Variants in SLIT3 observed in about 807,000 individuals in gnomAD.
The protein encoded by SLIT3 is slit homolog 3 protein.
SLIT3 carries 68 observed loss-of-function variants against 184.0 expected under a neutral mutation model. The observed-to-expected ratio is 0.37, with a 90% CI of 0.30 to 0.45. The LOEUF (loss-of-function observed/expected upper bound fraction) is 0.45. SLIT3 is among the 20% of genes least tolerant of loss of function. The pLI is 1.00. For synonymous variants in SLIT3, 831 were observed against 828.6 expected (o/e 1.00, Z -0.05); for missense variants, 1,707 against 2,026.0 (o/e 0.84, Z 3.02).
intron 16 of SLIT3, among the ~76,000 whole-genome samples, chr5:168,755,448 T>TCTTTTTCTTTCTTTCTTTCTTTC (rs1419173588): frequency 9.7e-6 from 1 of 102,566 alleles, no homozygotes; most frequent in Non-Finnish European, 2.2e-5. Context: ...TTTCTTTCTT[T>TCTTTTTCTTTCTTTCTTTCTTTC]TTGAGACAGA....
At chr5:169,099,591 T>G (rs921801227) in intron 4 of SLIT3, among the ~76,000 whole-genome samples, 2 of 152,234 alleles carry the variant, frequency 1.3e-5, no homozygotes, top group African/African-American at 4.8e-5. Flanking sequence ...CTTACAGATA[T>G]GACAATTCAG....
At chr5:168,968,248 C>T (rs545388064) in intron 4 of SLIT3, among the ~76,000 whole-genome samples, 2 of 152,276 alleles carry the variant, frequency 1.3e-5, no homozygotes, top group African/African-American at 4.8e-5. Context: ...CATGCCCTTG[C>T]TTAATCATTA....
intron 4 of SLIT3, among the ~76,000 whole-genome samples, chr5:168,936,912 CT>C (rs1762175862): frequency 6.6e-6 from 1 of 152,160 alleles, no homozygotes; most frequent in Non-Finnish European, 1.5e-5. Flanking sequence ...GGAGCTTCTA[CT>C]TTGGGGGATG....
chr5:169,089,891 C>T (rs962088683), intron 4 of SLIT3, among the ~76,000 whole-genome samples: 1 of 152,194 alleles, frequency 6.6e-6, no homozygotes, highest in African/African-American at 2.4e-5. Flanking sequence ...ACTCATGGCA[C>T]GATGATCCTT....
chr5:169,123,631 T>G (rs563626803), intron 4 of SLIT3, among the ~76,000 whole-genome samples: 133 of 152,264 alleles, frequency 8.7e-4, no homozygotes, highest in African/African-American at 3.0e-3. Context: ...GAGCAGAGAT[T>G]TCAGTGGAAA....
At chr5:169,065,626 T>C (rs1282265878) in intron 4 of SLIT3, among the ~76,000 whole-genome samples, 1 of 152,226 alleles carries the variant, frequency 6.6e-6, no homozygotes, top group Admixed American at 6.5e-5. Flanking sequence ...GTGAAGGCCC[T>C]GTCACCCTCC....
At chr5:168,755,390 T>TTTATTTATTTCTTTCTTTCTTTCTTTC in intron 16 of SLIT3, among the ~76,000 whole-genome samples, 1 of 3,378 alleles carries the variant, frequency 3.0e-4, no homozygotes, top group African/African-American at 3.4e-3. Flanking sequence ...AGTGCCGCCA[T>TTTATTTATTTCTTTCTTTCTTTCTTTC]TTCTTTCTTT....
chr5:169,185,272 G>A (rs567637082), intron 4 of SLIT3, among the ~76,000 whole-genome samples: 1 of 152,258 alleles, frequency 6.6e-6, no homozygotes, highest in East Asian at 1.9e-4. Context: ...TCAGGAAATC[G>A]GGACTCAGTT....
chr5:168,884,700 G>A (rs1363838940), intron 4 of SLIT3, among the ~76,000 whole-genome samples: 1 of 151,056 alleles, frequency 6.6e-6, no homozygotes, highest in East Asian at 1.9e-4. Context: ...CATTTTTAAT[G>A]GTTGTATATC....
chr5:169,243,837 G>A (rs1407386102), intron 3 of SLIT3, among the ~76,000 whole-genome samples: 1 of 152,216 alleles, frequency 6.6e-6, no homozygotes, highest in Admixed American at 6.5e-5. Context: ...AAATGTCAGG[G>A]CAACCAAGAT....
chr5:168,774,174 A>G (rs1561925331), intron 13 of SLIT3, 61 bp downstream of exon 13: 1 of 1,512,098 alleles, frequency 6.6e-7, no homozygotes, highest in South Asian at 1.3e-5. Context: ...GTTTTTCATG[A>G]TGGGCATTTG....
At chr5:169,037,564 C>T (rs572290930) in intron 4 of SLIT3, 4 of 152,336 alleles carry the variant, frequency 2.6e-5, no homozygotes, top group African/African-American at 7.2e-5. Context: ...CATGATGTCT[C>T]GTGTAATTGG....
At chr5:169,109,555 A>C (rs1162603233) in intron 4 of SLIT3, among the ~76,000 whole-genome samples, 2 of 152,214 alleles carry the variant, frequency 1.3e-5, no homozygotes, top group African/African-American at 4.8e-5. Context: ...TTAAGCTTCT[A>C]AGCTGGTAGC....
intron 1 of SLIT3, among the ~76,000 whole-genome samples, chr5:169,285,811 T>C (rs1423982256): frequency 6.6e-6 from 1 of 152,120 alleles, no homozygotes; most frequent in African/African-American, 2.4e-5. Flanking sequence ...GACATGTGAG[T>C]GAACAGCCTG....
chr5:169,300,458 C>A lies in SLIT3; in HGVS notation c.197+55G>T, dbSNP rs1767646502. 7 of 1,395,180 alleles carry A rather than the reference C, an allele frequency of 5.0e-6. No homozygotes were observed. The highest frequency in any genetic ancestry group is 4.6e-6 in the Non-Finnish European group (5 of 1,076,916). 86.4% of individuals were successfully genotyped at this position (1,395,180 alleles called of 1,614,324 possible). A position where few individuals can be genotyped will look rare whatever the true frequency, so the allele number is the denominator to read the frequency against. Reference sequence around the variant, plus strand: ...AAAGGACGGATCTGGCGCCTGGGGCCCCCTCGGTGGGACCCAGGTGGGTGG... The same window carrying A: ...AAAGGACGGATCTGGCGCCTGGGGCACCCTCGGTGGGACCCAGGTGGGTGG... On this transcript the variant is annotated intron_variant, in intron 1 of 35. Coordinates refer to ENST00000519560, the MANE Select transcript of SLIT3 (RefSeq NM_003062.4). The surrounding 1 kb of genome is among the most constrained non-coding windows in gnomAD (Gnocchi z 4.1).
chr5:169,242,405 G>A (rs188618749), intron 3 of SLIT3, among the ~76,000 whole-genome samples: 3 of 152,170 alleles, frequency 2.0e-5, no homozygotes, highest in Admixed American at 1.3e-4. Context: ...CTTTCCTCCC[G>A]CCTCTGTAGT....
intron 4 of SLIT3, among the ~76,000 whole-genome samples, chr5:169,184,068 T>C (rs1287174226): frequency 1.3e-5 from 2 of 152,188 alleles, no homozygotes; most frequent in Non-Finnish European, 2.9e-5. Context: ...CTTTGATAAA[T>C]TGTAGGGAAT....
chr5:169,107,129 T>A (rs1406499289), intron 4 of SLIT3, among the ~76,000 whole-genome samples: 1 of 152,192 alleles, frequency 6.6e-6, no homozygotes, highest in Non-Finnish European at 1.5e-5. Flanking sequence ...GGCTCCACAG[T>A]CCTTGCCTCC....
intron 11 of SLIT3, among the ~76,000 whole-genome samples, chr5:168,788,895 A>T (rs1024564995): frequency 2.0e-5 from 3 of 152,080 alleles, no homozygotes; most frequent in Non-Finnish European, 2.9e-5. Context: ...CACTGTCCCC[A>T]TCCTGCCTAC....
Sources: allele counts gnomAD v4.1 joint callset (sites outside exome capture counted in the v4.1 genomes callset), GRCh38; gene constraint gnomAD v4.1.1; non-coding constraint Gnocchi (gnomAD v3.1); transcripts MANE v1.5; gene names NCBI Gene and HGNC (gene_info 2026-07-23, HGNC 2026-07-21).